The following NCS1 variants were observed in gnomAD, a reference collection of about 807,000 sequenced individuals.
NCS1 encodes frequenin homolog.
Under a neutral mutation model 28.4 loss-of-function variants are expected in NCS1, and 6 were observed. The ratio of observed to expected loss-of-function variants is 0.21; its 90% CI spans 0.12 to 0.42. NCS1 has a LOEUF of 0.42. Among genes scored for constraint, NCS1 ranks in the 10% least tolerant of loss-of-function variants. The pLI is 1.00. For missense variants in NCS1, 131 were observed against 241.4 expected (o/e 0.54, Z 3.03); for synonymous variants, 86 against 99.3 (o/e 0.87, Z 0.79).
intron 7 of NCS1, among the ~76,000 whole-genome samples, chr9:130,231,972 G>T (rs144500477): frequency 0.01 from 1,520 of 151,702 alleles, 28 homozygotes; most frequent in African/African-American, 0.035. Context: ...TTTGAGACAG[G>T]GTCCCACTCT....
chr9:130,195,023 T>C (rs1832861408), intron 1 of NCS1, among the ~76,000 whole-genome samples: 2 of 152,200 alleles, frequency 1.3e-5, no homozygotes, highest in South Asian at 4.1e-4. Flanking sequence ...TCCTGGCCTC[T>C]GCAGGCTTAG....
At position 130,223,071 on chromosome 9, in the gene NCS1, C is replaced by G; in HGVS notation, c.397-11C>G. 1 of 1,612,238 alleles carries G rather than the reference C, an allele frequency of 6.2e-7. No homozygotes were observed. The highest frequency in any genetic ancestry group is 8.5e-7 in the Non-Finnish European group (1 of 1,178,564). On this transcript the variant is annotated splice_polypyrimidine_tract_variant and intron_variant, in intron 5 of 7. Coordinates refer to ENST00000372398, the MANE Select transcript of NCS1 (RefSeq NM_014286.4). ...TGCCAGGGCCCACCCCCGCCTTGTC[C>G]GTCCCTGCAGGGGAATACCGTGGAG...
chr9:130,228,086 A>C (rs111886160), intron 7 of NCS1, among the ~76,000 whole-genome samples: 14 of 152,216 alleles, frequency 9.2e-5, no homozygotes, highest in Non-Finnish European at 1.8e-4. Flanking sequence ...GGCTTCCCTC[A>C]GAGCTTTCCA....
chr9:130,217,437 G>A (rs782594477), intron 2 of NCS1, among the ~76,000 whole-genome samples: 11 of 152,230 alleles, frequency 7.2e-5, no homozygotes, highest in Non-Finnish European at 1.6e-4. Flanking sequence ...GAGGGGCTCA[G>A]CAGAGAAGGT....
intron 2 of NCS1, among the ~76,000 whole-genome samples, chr9:130,212,955 G>A (rs1377898602): frequency 1.3e-5 from 2 of 152,256 alleles, no homozygotes; most frequent in South Asian, 4.2e-4. Context: ...GGGGGTGGCT[G>A]GGGTGGCTGG....
At chr9:130,214,453 C>T (rs1438806282) in intron 2 of NCS1, among the ~76,000 whole-genome samples, 7 of 152,206 alleles carry the variant, frequency 4.6e-5, no homozygotes, top group African/African-American at 1.7e-4. Flanking sequence ...AGCCAATGAA[C>T]AGGGTGAGGG....
chr9:130,227,295 G>A (rs1014661342), intron 7 of NCS1, among the ~76,000 whole-genome samples: 2 of 152,066 alleles, frequency 1.3e-5, no homozygotes, highest in Non-Finnish European at 2.9e-5. Flanking sequence ...CCTCTTCTTT[G>A]TGGAGTGTTC....
rs772549016 is a variant in NCS1, at chr9:130,232,113, AT to A, written c.*18-872del. 6.5e-4 allele frequency among the ~76,000 whole-genome samples: 99 copies of A among 151,990 alleles called. No homozygotes were observed. Among genetic ancestry groups the A allele is most frequent in the Non-Finnish European group, 1.2e-3 (85 of 68,004 alleles). On this transcript the variant is annotated intron_variant, in intron 7 of 7. Coordinates refer to ENST00000372398, the MANE Select transcript of NCS1 (RefSeq NM_014286.4). This position sits in a 1 kb window ranked among gnomAD's most constrained non-coding sequence, Gnocchi z 4.4. ...AGGTGTGCGCAGCCACGTCCGGCTA[AT>A]TTTTGTATTTTTGGTAGAGACCGGG...
chr9:130,231,466 C>G (rs1222333582), intron 7 of NCS1, among the ~76,000 whole-genome samples: 1 of 151,986 alleles, frequency 6.6e-6, no homozygotes, highest in Non-Finnish European at 1.5e-5. Flanking sequence ...TCACTGCAAC[C>G]TCTGCCTCCT....
intron 1 of NCS1, among the ~76,000 whole-genome samples, chr9:130,183,308 G>T (rs921670051): frequency 1.1e-4 from 17 of 150,366 alleles, no homozygotes; most frequent in South Asian, 6.3e-4. Flanking sequence ...CATGCGGCTG[G>T]GGGGGGGAGC....
intron 4 of NCS1, among the ~76,000 whole-genome samples, chr9:130,220,778 A>G (rs528161435): frequency 6.6e-6 from 1 of 151,548 alleles, no homozygotes; most frequent in East Asian, 1.9e-4. Context: ...AAGAAATAAA[A>G]GAGAACTTTA....
intron 2 of NCS1, among the ~76,000 whole-genome samples, chr9:130,207,827 G>T (rs1452849636): frequency 2.6e-5 from 4 of 152,216 alleles, no homozygotes; most frequent in African/African-American, 7.2e-5. Context: ...TGAGCTGCTG[G>T]TGCCGTTGTC....
At chr9:130,206,559 C>T (rs1646747116) in intron 2 of NCS1, among the ~76,000 whole-genome samples, 1 of 152,106 alleles carries the variant, frequency 6.6e-6, no homozygotes, top group South Asian at 2.1e-4. Context: ...CAGGCCCCTG[C>T]CACCATGCCC....
At chr9:130,189,698 C>T (rs1422085069) in intron 1 of NCS1, among the ~76,000 whole-genome samples, 7 of 150,972 alleles carry the variant, frequency 4.6e-5, no homozygotes, top group Admixed American at 3.3e-4. Flanking sequence ...AAAAATTAGC[C>T]GGGTGTGGTG....
At chr9:130,207,665 C>T (rs1554908268) in intron 2 of NCS1, among the ~76,000 whole-genome samples, 1 of 152,224 alleles carries the variant, frequency 6.6e-6, no homozygotes, top group Non-Finnish European at 1.5e-5. Flanking sequence ...AGAACTCGGG[C>T]TCCAGTGCCG....
intron 2 of NCS1, among the ~76,000 whole-genome samples, chr9:130,210,908 A>G (rs1379711535): frequency 1.3e-5 from 2 of 148,636 alleles, no homozygotes; most frequent in Non-Finnish European, 3.0e-5. Flanking sequence ...GTGTGATCAT[A>G]GCTCACTGCA....
intron 1 of NCS1, among the ~76,000 whole-genome samples, chr9:130,196,204 G>A (rs1554906810): frequency 1.3e-5 from 2 of 152,238 alleles, no homozygotes; most frequent in Non-Finnish European, 2.9e-5. Context: ...GCATTGTGCA[G>A]TGGGGAGGGG....
rs782781321 is a variant in NCS1, at chr9:130,181,850, C to A, written c.64+9123C>A. ...ATGGCGTGTGTCAGGAGTGGGTGAG[C>A]CGGGCACTCCTGTGCGCACGCGTGT... is the stretch of plus-strand genomic sequence containing the variant. On this transcript the variant is annotated intron_variant, in intron 1 of 7. Transcript: ENST00000372398. The surrounding 1 kb of genome is among the most constrained non-coding windows in gnomAD (Gnocchi z 5.0). Among the ~76,000 whole-genome samples the A allele has an allele frequency of 2.0e-5, 3 of 152,048 alleles. No individual in the cohort carries two copies. The highest frequency in any genetic ancestry group is 6.5e-5 in the Admixed American group (1 of 15,268).
At chr9:130,229,349 G>A (rs1284498434) in intron 7 of NCS1, among the ~76,000 whole-genome samples, 1 of 151,454 alleles carries the variant, frequency 6.6e-6, no homozygotes, top group Non-Finnish European at 1.5e-5. Flanking sequence ...CTGCCTCCTG[G>A]GTTCAGACAA....
Sources: allele counts gnomAD v4.1 joint callset (sites outside exome capture counted in the v4.1 genomes callset), GRCh38; gene constraint gnomAD v4.1.1; non-coding constraint Gnocchi (gnomAD v3.1); transcripts MANE v1.5; gene names NCBI Gene and HGNC (gene_info 2026-07-23, HGNC 2026-07-21).